TMPRSS11F: variants seen among roughly 807,000 people sequenced by gnomAD.
TMPRSS11F encodes the protein transmembrane protease serine 11F.
TMPRSS11F carries 47 observed loss-of-function variants against 60.2 expected under a neutral mutation model. The observed-to-expected ratio is 0.78, with a 90% CI of 0.62 to 1.00. The LOEUF is 1.00. TMPRSS11F is among the 50% of genes least tolerant of loss of function. The pLI is 0.00. For synonymous variants in TMPRSS11F, 166 were observed against 167.3 expected (o/e 0.99, Z 0.06); for missense variants, 519 against 522.9 (o/e 0.99, Z 0.07).
At chr4:68,069,224 G>C (rs1723400706) in intron 6 of TMPRSS11F, among the ~76,000 whole-genome samples, 1 of 151,786 alleles carries the variant, frequency 6.6e-6, no homozygotes. Flanking sequence ...AAAATTAGGA[G>C]GATCCACACC....
chr4:68,067,089 A>T (rs933534621), intron 7 of TMPRSS11F, among the ~76,000 whole-genome samples: 2 of 152,106 alleles, frequency 1.3e-5, no homozygotes, highest in African/African-American at 4.8e-5. Context: ...TAGGATCATC[A>T]CTTTACCCAA....
chr4:68,112,835 T>C (rs10007710), intron 1 of TMPRSS11F, among the ~76,000 whole-genome samples: 3,377 of 152,264 alleles, frequency 0.022, 120 homozygotes, highest in African/African-American at 0.076. Flanking sequence ...TTCTCTTAGT[T>C]TATAATTTCC....
intron 1 of TMPRSS11F, among the ~76,000 whole-genome samples, chr4:68,100,508 T>C (rs1451996708): frequency 6.6e-6 from 1 of 152,006 alleles, no homozygotes; most frequent in Non-Finnish European, 1.5e-5. Context: ...ATGGATTTAG[T>C]TGTAGTTCTT....
intron 3 of TMPRSS11F, among the ~76,000 whole-genome samples, chr4:68,083,737 A>G (rs1292965589): frequency 6.6e-6 from 1 of 152,236 alleles, no homozygotes; most frequent in Non-Finnish European, 1.5e-5. Context: ...CATATGAAAA[A>G]GAATAGGTGC....
chr4:68,070,111 T>G, intron 5 of TMPRSS11F, 104 bp from the exon 6 acceptor site: 1 of 879,348 alleles, frequency 1.1e-6, no homozygotes, highest in South Asian at 1.9e-5. Context: ...ATCTAAAGCA[T>G]ACATATTTCA....
intron 7 of TMPRSS11F, 32 bp downstream of exon 7, chr4:68,068,586 A>G: frequency 1.9e-6 from 3 of 1,597,546 alleles, no homozygotes; most frequent in Non-Finnish European, 2.6e-6. Context: ...GGACTGTGAA[A>G]AGAAGGCTCA....
At chr4:68,094,571 AAAAT>A (rs34202443) in intron 2 of TMPRSS11F, among the ~76,000 whole-genome samples, 349 of 147,762 alleles carry the variant, frequency 2.4e-3, no homozygotes, top group African/African-American at 5.3e-3. Flanking sequence ...AATAAATTTA[AAAAT>A]AAATAAATAA....
rs111872277 is a variant in TMPRSS11F, at chr4:68,061,897, T to A, written c.1016-2429A>T. The A allele has an allele frequency of 2.3e-3, 949 of 420,314 alleles. 11 individuals are homozygous for A. Among genetic ancestry groups the A allele is most frequent in the African/African-American group, 0.018 (869 of 48,186 alleles). The allele number at this position is 420,314 out of a possible 1,614,324, so 26.0% of individuals were successfully genotyped here. On this transcript the variant is annotated intron_variant, in intron 8 of 9. Transcript: ENST00000356291. ...CAGAAGCAAATGAAAAATGAACTTTTAAAAAAAAATTAACATATTAAAAAC... is the reference window on the plus strand; with the variant it reads ...CAGAAGCAAATGAAAAATGAACTTTAAAAAAAAAATTAACATATTAAAAAC...
At chr4:68,105,117 T>C (rs1293483116) in intron 1 of TMPRSS11F, among the ~76,000 whole-genome samples, 1 of 148,232 alleles carries the variant, frequency 6.7e-6, no homozygotes, top group Non-Finnish European at 1.5e-5. Flanking sequence ...TCTTTAAATA[T>C]TTGGCAAAAT....
intron 1 of TMPRSS11F, among the ~76,000 whole-genome samples, chr4:68,104,883 T>G (rs1724269261): frequency 6.6e-6 from 1 of 152,030 alleles, no homozygotes; most frequent in Admixed American, 6.6e-5. Flanking sequence ...GTATAATATT[T>G]TTGATGTGTT....
intron 9 of TMPRSS11F, among the ~76,000 whole-genome samples, chr4:68,054,348 T>C (rs1000747416): frequency 4.6e-5 from 7 of 152,142 alleles, no homozygotes; most frequent in Non-Finnish European, 1.0e-4. Flanking sequence ...CTGTTTAGCA[T>C]GGTTTAGTAA....
At position 68,098,946 on chromosome 4, in the gene TMPRSS11F, A is replaced by G. The variant is rs2109871497; in HGVS notation, c.104T>C (p.Leu35Ser). 1 of 1,613,088 alleles carries G rather than the reference A, an allele frequency of 6.2e-7. No homozygotes were observed. Among genetic ancestry groups the G allele is most frequent in the South Asian group, 1.1e-5 (1 of 90,958 alleles). Residue 35 changes from leucine (L) to serine (S), a missense_variant, in exon 2 of 10, where the codon TTA (leucine) becomes TCA (serine). By Grantham distance (145) the Leu-to-Ser change is moderately radical (BLOSUM62 -2). Coordinates refer to ENST00000356291, the MANE Select transcript of TMPRSS11F (RefSeq NM_207407.2). ...WDSVRLALFTLAIVAIIGIAI... is the reference protein window; with the variant it reads ...WDSVRLALFTSAIVAIIGIAI... Reference sequence around the variant, plus strand: ...AATTCCTATGATTGCTACAATTGCTAATGTGAAAAGAGCTAGCCGTACTGA... The same window carrying G: ...AATTCCTATGATTGCTACAATTGCTGATGTGAAAAGAGCTAGCCGTACTGA...
chr4:68,062,298 G>A, intron 8 of TMPRSS11F: 2 of 438,182 alleles, frequency 4.6e-6, no homozygotes, highest in Non-Finnish European at 8.9e-6. Flanking sequence ...TAAATTTCTG[G>A]AGGACTGTTA....
chr4:68,097,803 T>TA, intron 2 of TMPRSS11F, among the ~76,000 whole-genome samples: 1 of 152,248 alleles, frequency 6.6e-6, no homozygotes, highest in East Asian at 1.9e-4. Flanking sequence ...TAACAAAAGA[T>TA]AAAATTGTAT....
intron 1 of TMPRSS11F, among the ~76,000 whole-genome samples, chr4:68,126,569 A>G (rs1724717631): frequency 6.6e-6 from 1 of 152,174 alleles, no homozygotes; most frequent in African/African-American, 2.4e-5. Flanking sequence ...TGAAATTTTC[A>G]TTTACTCCTA....
intron 9 of TMPRSS11F, among the ~76,000 whole-genome samples, chr4:68,054,476 C>T (rs1169582595): frequency 6.6e-6 from 1 of 151,982 alleles, no homozygotes; most frequent in East Asian, 1.9e-4. Flanking sequence ...TTTTTGGTCT[C>T]CTTTTCTGTT....
At chr4:68,064,025 ATTAC>A (rs911670391) in intron 8 of TMPRSS11F, among the ~76,000 whole-genome samples, 1 of 152,004 alleles carries the variant, frequency 6.6e-6, no homozygotes, top group African/African-American at 2.4e-5. Flanking sequence ...AAAATTTGTG[ATTAC>A]TTACTGCCTT....
intron 9 of TMPRSS11F, among the ~76,000 whole-genome samples, chr4:68,054,859 C>A (rs974294749): frequency 6.6e-6 from 1 of 151,942 alleles, no homozygotes; most frequent in Non-Finnish European, 1.5e-5. Context: ...AGGTTAAAAA[C>A]AACAACAACA....
At chr4:68,107,943 A>G (rs559606801) in intron 1 of TMPRSS11F, among the ~76,000 whole-genome samples, 1 of 152,004 alleles carries the variant, frequency 6.6e-6, no homozygotes, top group African/African-American at 2.4e-5. Flanking sequence ...CTCAAATTTA[A>G]AAAAAAGAAC....
Sources: gnomAD v4.1 joint callset for allele counts (sites outside exome capture counted in the v4.1 genomes callset) on GRCh38, gnomAD v4.1.1 for gene constraint, MANE v1.5 for transcripts, NCBI Gene and HGNC (gene_info 2026-07-23, HGNC 2026-07-21) for gene names.